The following MED13 variants were observed in gnomAD, a reference collection of about 807,000 sequenced individuals.
MED13 encodes the protein mediator of RNA polymerase II transcription subunit 13.
In MED13, 23 loss-of-function variants were observed where a neutral mutation model predicts 225.2. The ratio of observed to expected loss-of-function variants is 0.10; its 90% CI spans 0.07 to 0.14. The LOEUF (loss-of-function observed/expected upper bound fraction) is 0.14. Ranked by LOEUF, MED13 falls within the 10% of genes least tolerant of loss-of-function variation. MED13 has a pLI of 1.00. For missense variants in MED13, 2,197 were observed against 2,594.5 expected, an observed-to-expected ratio of 0.85 and a Z score of 3.33; for synonymous variants, 942 against 889.2, an observed-to-expected ratio of 1.06 and a Z score of -1.06.
chr17:61,948,944 C>T (rs922070322), intron 28 of MED13, among the ~76,000 whole-genome samples: 3 of 151,254 alleles, frequency 2.0e-5, no homozygotes, highest in Non-Finnish European at 4.4e-5. Context: ...AAAAATTAGC[C>T]GGGCGTAGTG....
Position 61,961,757 on chromosome 17 carries a change from A to G in MED13, c.5087T>C (p.Leu1696Ser), listed in dbSNP as rs762872858. ...TCTATCTTCATGCTTCACAGGTTGCAACAGGTACTGACAAGGAATAATCTA... is the reference window on the plus strand; with the variant it reads ...TCTATCTTCATGCTTCACAGGTTGCGACAGGTACTGACAAGGAATAATCTA... Reference protein sequence around the residue: ...SVQIIPCQYLLQPVKHEDREI... With the variant: ...SVQIIPCQYLSQPVKHEDREI... The change falls in exon 22 of 30, where the codon TTG becomes TCG. Residue 1696 changes from leucine to serine, a missense_variant. Around this residue, in one of 12 missense-constraint regions of MED13, gnomAD observed 457 missense variants for 442.2 expected, o/e 1.03. Transcript: ENST00000397786. 1 of 1,613,986 alleles carries G rather than the reference A, an allele frequency of 6.2e-7. No individual in the cohort carries two copies. Among genetic ancestry groups the G allele is most frequent in the Non-Finnish European group, 8.5e-7 (1 of 1,179,906 alleles).
chr17:62,008,273 G>A (rs1212274229), intron 9 of MED13, among the ~76,000 whole-genome samples: 1 of 131,794 alleles, frequency 7.6e-6, no homozygotes, highest in Non-Finnish European at 1.5e-5. Context: ...AGCAGGGATC[G>A]CGCAACTGTA....
At chr17:62,061,647 T>C (rs773964543) in intron 2 of MED13, among the ~76,000 whole-genome samples, 1 of 152,206 alleles carries the variant, frequency 6.6e-6, no homozygotes, top group Non-Finnish European at 1.5e-5. Flanking sequence ...ACGATTAAAA[T>C]AACTCAAATA....
At chr17:61,991,655 G>A (rs980744341) in intron 11 of MED13, among the ~76,000 whole-genome samples, 3 of 151,984 alleles carry the variant, frequency 2.0e-5, no homozygotes, top group African/African-American at 4.8e-5. Flanking sequence ...CCATAGGCGC[G>A]TGCCTCCATG....
chr17:62,032,245 A>T (rs2080764174), intron 5 of MED13: 1 of 152,024 alleles, frequency 6.6e-6, no homozygotes, highest in Non-Finnish European at 1.5e-5. Flanking sequence ...AGGCCGAGGC[A>T]GGTGGGTCAT....
chr17:61,988,456 A>G (rs1375516111), intron 11 of MED13, among the ~76,000 whole-genome samples: 5 of 152,256 alleles, frequency 3.3e-5, no homozygotes, highest in Non-Finnish European at 7.3e-5. Flanking sequence ...TTTCAGAAAG[A>G]TAAAAGTCAC....
intron 9 of MED13, among the ~76,000 whole-genome samples, chr17:61,998,926 T>G (rs941677748): frequency 6.7e-4 from 1 of 1,488 alleles, no homozygotes. Flanking sequence ...TAAATGGTAC[T>G]TTTTTTTTTT....
intron 26 of MED13, among the ~76,000 whole-genome samples, chr17:61,953,451 A>G (rs1355709171): frequency 6.6e-6 from 1 of 152,136 alleles, no homozygotes; most frequent in Non-Finnish European, 1.5e-5. Flanking sequence ...GGTCCAATGT[A>G]ATCACAGGGG....
chr17:62,043,170 AAAAAAAAAAAAAAAG>A (rs2080868909), intron 3 of MED13, among the ~76,000 whole-genome samples: 3 of 148,388 alleles, frequency 2.0e-5, no homozygotes, highest in South Asian at 2.1e-4. Flanking sequence ...AAAAAAAAAA[AAAAAAAAAAAAAAAG>A]AAAGAAAGAA....
At chr17:61,975,741 C>A (rs1240533114) in intron 16 of MED13, among the ~76,000 whole-genome samples, 1 of 151,908 alleles carries the variant, frequency 6.6e-6, no homozygotes, top group African/African-American at 2.4e-5. Context: ...AAAGGCCAAG[C>A]GCAATGGCTC....
chr17:62,008,678 C>G (rs927371236), intron 9 of MED13, among the ~76,000 whole-genome samples: 2 of 151,786 alleles, frequency 1.3e-5, no homozygotes, highest in South Asian at 2.1e-4. Context: ...TCCCACTCTT[C>G]CCCCCGCCGC....
intron 9 of MED13, among the ~76,000 whole-genome samples, chr17:61,998,245 CAAAT>C (rs1211797988): frequency 4.6e-5 from 7 of 152,192 alleles, no homozygotes; most frequent in Non-Finnish European, 8.8e-5. Context: ...CACATACAGC[CAAAT>C]AATTAACTAC....
At chr17:62,020,787 A>G (rs1382410048) in intron 8 of MED13, among the ~76,000 whole-genome samples, 5 of 151,286 alleles carry the variant, frequency 3.3e-5, no homozygotes, top group Non-Finnish European at 7.4e-5. Flanking sequence ...GTCAGCAGAT[A>G]AACAAGTGAA....
intron 23 of MED13, among the ~76,000 whole-genome samples, chr17:61,958,196 C>T (rs553635886): frequency 6.6e-6 from 1 of 151,802 alleles, no homozygotes; most frequent in African/African-American, 2.4e-5. Context: ...GACACGGAGT[C>T]TAACTCTATC....
intron 10 of MED13, among the ~76,000 whole-genome samples, chr17:61,994,771 C>G (rs1451080768): frequency 6.6e-6 from 1 of 152,072 alleles, no homozygotes; most frequent in East Asian, 1.9e-4. Context: ...GTGCAGTAGC[C>G]TGATCTTGGC....
At chr17:62,034,486 C>CAAA (rs11291859) in intron 4 of MED13, among the ~76,000 whole-genome samples, 3 of 96,344 alleles carry the variant, frequency 3.1e-5, no homozygotes, top group Admixed American at 1.0e-4. Context: ...GACTTCATCT[C>CAAA]AAAAAAAAAA....
chr17:61,955,727 G>A lies in MED13; in HGVS notation c.5735C>T (p.Ala1912Val). ...SAADSPSILS[A>V]CLVAMEPQGS... is the part of the protein sequence containing the mutation. ...TTGCGGCTCCATTGCCACCAAGCAA[G>A]CACTGAGAATGCTAGGGGAGTCTGC... Residue 1912 changes from alanine (A) to valine (V), a missense_variant, in exon 25 of 30, where the codon GCT (alanine) becomes GTT (valine). Ala to Val is a moderately conservative substitution (Grantham distance 64). Around this residue, in one of 12 missense-constraint regions of MED13, gnomAD observed 216 missense variants for 388.9 expected, o/e 0.56. Coordinates refer to ENST00000397786, the MANE Select transcript of MED13 (RefSeq NM_005121.3). 6.2e-7 allele frequency: 1 copy of A among 1,611,334 alleles called. No individual in the cohort carries two copies. The highest frequency in any genetic ancestry group is 1.1e-5 in the South Asian group (1 of 90,326).
chr17:62,015,915 C>CACACACACAT (rs1230248036), intron 8 of MED13, among the ~76,000 whole-genome samples: 1 of 8,600 alleles, frequency 1.2e-4, no homozygotes, highest in African/African-American at 3.4e-4. Context: ...ACACTATACA[C>CACACACACAT]ATATATATAT....
intron 26 of MED13, among the ~76,000 whole-genome samples, chr17:61,953,349 G>C (rs781434334): frequency 3.3e-5 from 5 of 152,118 alleles, no homozygotes; most frequent in Non-Finnish European, 5.9e-5. Context: ...CCTAATCCCA[G>C]GAATCTAAGA....
Sources: gnomAD v4.1 joint callset for allele counts (sites outside exome capture counted in the v4.1 genomes callset) on GRCh38, gnomAD v4.1.1 for gene constraint, gnomAD v4.1.1 regional missense constraint, MANE v1.5 for transcripts, NCBI Gene and HGNC (gene_info 2026-07-23, HGNC 2026-07-21) for gene names.